The following ADAMTSL1 variants were observed in gnomAD, a reference collection of about 807,000 sequenced individuals.
The protein encoded by ADAMTSL1 is ADAMTS-like protein 1.
Under a neutral mutation model 201.8 loss-of-function variants are expected in ADAMTSL1, and 126 were observed. The observed-to-expected ratio is 0.62, with a 90% confidence interval of 0.54 to 0.72. The LOEUF (loss-of-function observed/expected upper bound fraction) is 0.72. Ranked by LOEUF, ADAMTSL1 falls within the 30% of genes least tolerant of loss-of-function variation. The pLI is 0.00. For synonymous variants in ADAMTSL1, 1,121 were observed against 903.4 expected, an observed-to-expected ratio of 1.24 and a Z score of -4.32; for missense variants, 2,679 against 2,277.8, an observed-to-expected ratio of 1.18 and a Z score of -3.59.
intron 1 of ADAMTSL1, among the ~76,000 whole-genome samples, chr9:18,484,442 G>A (rs985701468): frequency 2.0e-5 from 3 of 152,100 alleles, no homozygotes; most frequent in Non-Finnish European, 4.4e-5. Flanking sequence ...TATATTTAAG[G>A]TCATTTCTTT....
At chr9:18,487,257 T>C (rs1481384917) in intron 1 of ADAMTSL1, among the ~76,000 whole-genome samples, 2 of 152,234 alleles carry the variant, frequency 1.3e-5, no homozygotes. Flanking sequence ...AGATTTTTAA[T>C]CAGGCATTGG....
At chr9:18,562,292 G>C (rs1403928294) in intron 3 of ADAMTSL1, among the ~76,000 whole-genome samples, 1 of 152,108 alleles carries the variant, frequency 6.6e-6, no homozygotes, top group Non-Finnish European at 1.5e-5. Context: ...GCTTAGTTTG[G>C]CTGGATATGA....
chr9:18,296,101 A>C (rs1291912567), intron 2 of ADAMTSL1, among the ~76,000 whole-genome samples: 1 of 152,230 alleles, frequency 6.6e-6, no homozygotes, highest in African/African-American at 2.4e-5. Flanking sequence ...CAGAAAATTC[A>C]GGAAATAAAG....
chr9:18,091,576 A>G (rs1824019582), intron 1 of ADAMTSL1, among the ~76,000 whole-genome samples: 1 of 152,190 alleles, frequency 6.6e-6, no homozygotes, highest in Non-Finnish European at 1.5e-5. Context: ...CTAAGACATT[A>G]GAGTCAGTGA....
At chr9:18,676,321 T>A (rs1449628026) in intron 10 of ADAMTSL1, among the ~76,000 whole-genome samples, 1 of 152,114 alleles carries the variant, frequency 6.6e-6, no homozygotes, top group Admixed American at 6.6e-5. Context: ...AACATGGAAT[T>A]CCAGATGTGA....
At chr9:18,274,259 T>C (rs1342334538) in intron 2 of ADAMTSL1, among the ~76,000 whole-genome samples, 11 of 152,252 alleles carry the variant, frequency 7.2e-5, no homozygotes, top group Admixed American at 7.2e-4. Context: ...ATGTAGGTAA[T>C]ATCTAGTGCT....
At position 18,595,273 on chromosome 9, in the gene ADAMTSL1, T is replaced by C. The variant is rs143536336; in HGVS notation, c.474+21007T>C. ...CAGTGAAAGGGGCTGGAGTTGAGAT[T>C]GAGCATTTGGGGATCTTCTGTGAGA... On this transcript the variant is annotated intron_variant, in intron 4 of 28. Transcript: ENST00000380548. Among the ~76,000 whole-genome samples, 1,183 of 152,046 alleles carry C rather than the reference T, an allele frequency of 7.8e-3. 8 individuals are homozygous for C. Among genetic ancestry groups the C allele is most frequent in the South Asian group, 0.026 (125 of 4,810 alleles).
chr9:18,887,931 T>G lies in ADAMTSL1; in HGVS notation c.4350T>G (p.Ala1450=). The G allele has an allele frequency of 3.7e-6, 6 of 1,614,020 alleles. No homozygotes were observed. The highest frequency in any genetic ancestry group is 4.2e-6 in the Non-Finnish European group (5 of 1,179,896). The change falls in exon 24 of 29, where the codon GCT becomes GCG. Residue 1450 remains alanine (A), a synonymous_variant. Coordinates refer to ENST00000380548, the MANE Select transcript of ADAMTSL1 (RefSeq NM_001040272.6). The part of the protein sequence containing the change: ...ATGLTHHILA[A]GQILQVANLS... ...GACTGACGCATCACATCTTGGCAGC[T>G]GGACAGATCCTTCAAGTTGCAAACC...
chr9:18,070,190 C>T (rs1433915580), intron 1 of ADAMTSL1, among the ~76,000 whole-genome samples: 1 of 152,110 alleles, frequency 6.6e-6, no homozygotes, highest in Non-Finnish European at 1.5e-5. Context: ...CCAGAATAAC[C>T]ATAAAAAGGA....
In ADAMTSL1 at chr9:18,100,122, G is replaced by A. The variant is rs953970795; in HGVS notation, c.88-63740G>A. Among the ~76,000 whole-genome samples the A allele has an allele frequency of 2.0e-5, 3 of 151,952 alleles. No individual in the cohort carries two copies. The South Asian group carries it at 6.2e-4, about 32-fold the overall frequency. On this transcript the variant is annotated intron_variant, in intron 1 of 29. Coordinates refer to the ADAMTSL1 transcript ENST00000680146. ...TTAATATTGTTTAGCCTGTTTTTAT[G>A]TAGATTGTTACAGTTTCAAACTGTT...
intron 2 of ADAMTSL1, among the ~76,000 whole-genome samples, chr9:18,304,843 T>G (rs879724353): frequency 5.9e-5 from 9 of 152,224 alleles, no homozygotes; most frequent in African/African-American, 2.2e-4. Context: ...ATAAACTATT[T>G]TTATAAGAAA....
rs564101318 is a variant in ADAMTSL1 at position 18,049,967 on chromosome 9, A to G, written c.88-113895A>G. Among the ~76,000 whole-genome samples the G allele has an allele frequency of 1.3e-4, 20 of 152,244 alleles. No individual in the cohort carries two copies. The East Asian group carries it at 3.9e-3, about 29-fold the overall frequency. ...GATAAAAGCACCTTCATTTTGTAAC[A>G]CATTTATTTGAGTTGGGAACTTCTG... On this transcript the variant is annotated intron_variant, in intron 1 of 29. Coordinates refer to the ADAMTSL1 transcript ENST00000680146.
At chr9:18,227,601 C>A (rs1475215792) in intron 2 of ADAMTSL1, among the ~76,000 whole-genome samples, 1 of 152,172 alleles carries the variant, frequency 6.6e-6, no homozygotes, top group Non-Finnish European at 1.5e-5. Flanking sequence ...CCAGAATTGG[C>A]AGCACATATG....
At chr9:18,141,105 A>G (rs1826379130) in intron 1 of ADAMTSL1, among the ~76,000 whole-genome samples, 1 of 152,202 alleles carries the variant, frequency 6.6e-6, no homozygotes, top group African/African-American at 2.4e-5. Flanking sequence ...GACTGATGCC[A>G]AGCCCTGGGC....
At position 18,545,798 on chromosome 9, in the gene ADAMTSL1, C is replaced by T. The variant is rs111866779; in HGVS notation, c.237+12506C>T. On this transcript the variant is annotated intron_variant, in intron 3 of 28. Coordinates refer to ENST00000380548, the MANE Select transcript of ADAMTSL1 (RefSeq NM_001040272.6). Reference sequence around the variant, plus strand: ...ATAATTTAGAAAGAAATTACTACTGCAGTTCATCCCTTGGCAAGGCCCTAC... The same window carrying T: ...ATAATTTAGAAAGAAATTACTACTGTAGTTCATCCCTTGGCAAGGCCCTAC... Among the ~76,000 whole-genome samples, 188 of 152,286 alleles carry T rather than the reference C, an allele frequency of 1.2e-3. 2 individuals are homozygous for T. The highest frequency in any genetic ancestry group is 4.1e-3 in the African/African-American group (170 of 41,572).
intron 13 of ADAMTSL1, among the ~76,000 whole-genome samples, chr9:18,688,656 T>G (rs1564152434): frequency 5.3e-5 from 1 of 19,012 alleles, no homozygotes; most frequent in African/African-American, 1.6e-4. Flanking sequence ...TAACAGAGCA[T>G]TTCAAAAAAA....
rs545713333 is a variant in ADAMTSL1, at chr9:18,542,866, C to T, written c.237+9574C>T. ...ATCACTTTGAAATTCCAAAGATCAG[C>T]CTTATTCTATGGCATCATGGGTAAT... On this transcript the variant is annotated intron_variant, in intron 3 of 28. Coordinates refer to ENST00000380548, the MANE Select transcript of ADAMTSL1 (RefSeq NM_001040272.6). 7.1e-4 allele frequency among the ~76,000 whole-genome samples: 108 copies of T among 152,250 alleles called. 1 individual carries two copies. The highest frequency in any genetic ancestry group is 6.8e-3 in the Middle Eastern group (2 of 294).
chr9:18,864,829 G>C (rs1827406954), intron 23 of ADAMTSL1, among the ~76,000 whole-genome samples: 1 of 152,230 alleles, frequency 6.6e-6, no homozygotes, highest in African/African-American at 2.4e-5. Context: ...CCCTGTCCTT[G>C]CTGGAGGCCA....
At chr9:18,308,107 A>T (rs1350944056) in intron 2 of ADAMTSL1, among the ~76,000 whole-genome samples, 1 of 152,136 alleles carries the variant, frequency 6.6e-6, no homozygotes, top group Non-Finnish European at 1.5e-5. Context: ...GGTAAATAAC[A>T]AAATGAAGGC....
Sources: gnomAD v4.1 joint callset for allele counts (sites outside exome capture counted in the v4.1 genomes callset) on GRCh38, gnomAD v4.1.1 for gene constraint, MANE v1.5 for transcripts, NCBI Gene and HGNC (gene_info 2026-07-23, HGNC 2026-07-21) for gene names.